LRBA: variants seen among roughly 807,000 people sequenced by gnomAD.
LRBA encodes the protein lipopolysaccharide-responsive and beige-like anchor protein.
A neutral mutation model predicts 330.0 loss-of-function variants in LRBA; 176 were observed. The ratio of observed to expected loss-of-function variants is 0.53; its 90% CI spans 0.47 to 0.60. The LOEUF (loss-of-function observed/expected upper bound fraction) is 0.60. Among genes scored for constraint, LRBA ranks in the 20% least tolerant of loss-of-function variants. The pLI is 0.00. For synonymous variants in LRBA, 1,230 were observed against 1,193.0 expected (o/e 1.03, Z -0.64); for missense variants, 3,259 against 3,444.8 (o/e 0.95, Z 1.35).
At chr4:150,485,122 C>T (rs933444798) in intron 42 of LRBA, among the ~76,000 whole-genome samples, 1 of 151,896 alleles carries the variant, frequency 6.6e-6, no homozygotes, top group East Asian at 1.9e-4. Context: ...ATGTTTTATA[C>T]ATGTGACACA....
chr4:151,009,627 G>A (rs72721737), intron 2 of LRBA, among the ~76,000 whole-genome samples: 4,479 of 151,584 alleles, frequency 0.03, 195 homozygotes, highest in African/African-American at 0.098. Flanking sequence ...AGGCAGGAGA[G>A]CAGCTTAAGC....
At chr4:150,652,153 C>T (rs1779768624) in intron 37 of LRBA, among the ~76,000 whole-genome samples, 2 of 152,130 alleles carry the variant, frequency 1.3e-5, no homozygotes, top group Admixed American at 1.3e-4. Flanking sequence ...CATTTTCACA[C>T]CTATACAAGT....
chr4:150,277,444 T>A (rs1159876189), intron 56 of LRBA, among the ~76,000 whole-genome samples: 4 of 152,122 alleles, frequency 2.6e-5, no homozygotes, highest in Non-Finnish European at 5.9e-5. Flanking sequence ...CAAAGAAATA[T>A]AAAAAGCTTT....
intron 47 of LRBA, among the ~76,000 whole-genome samples, chr4:150,412,026 CTTTGTT>C (rs1747084653): frequency 1.3e-5 from 2 of 152,110 alleles, no homozygotes; most frequent in South Asian, 4.2e-4. Flanking sequence ...TGTAAGGAAA[CTTTGTT>C]CATCAGAGGT....
chr4:150,486,169 T>C (rs1308186379), intron 42 of LRBA, among the ~76,000 whole-genome samples: 1 of 151,898 alleles, frequency 6.6e-6, no homozygotes, highest in African/African-American at 2.4e-5. Context: ...ACAATGTATA[T>C]ATGTATCAAA....
intron 47 of LRBA, among the ~76,000 whole-genome samples, chr4:150,409,191 G>A (rs777964202): frequency 2.0e-5 from 3 of 151,974 alleles, no homozygotes; most frequent in African/African-American, 7.2e-5. Context: ...GAGACACAAG[G>A]AGAAGACAGC....
At chr4:150,937,141 A>T (rs1331525156) in intron 2 of LRBA, among the ~76,000 whole-genome samples, 1 of 152,116 alleles carries the variant, frequency 6.6e-6, no homozygotes, top group Non-Finnish European at 1.5e-5. Context: ...TTTAAATACT[A>T]TAAAATATGC....
chr4:150,341,836 A>G (rs1329086179), intron 48 of LRBA, among the ~76,000 whole-genome samples: 1 of 151,774 alleles, frequency 6.6e-6, no homozygotes, highest in Non-Finnish European at 1.5e-5. Flanking sequence ...TAATGTCTAG[A>G]TAGCTTTCAA....
At chr4:150,933,777 C>A (rs1460078309) in intron 2 of LRBA, among the ~76,000 whole-genome samples, 1 of 151,858 alleles carries the variant, frequency 6.6e-6, no homozygotes, top group Non-Finnish European at 1.5e-5. Context: ...TTTGGGAAAC[C>A]GAGAGAGCAG....
At chr4:150,579,264 C>G (rs1257914186) in intron 40 of LRBA, 1 of 456,338 alleles carries the variant, frequency 2.2e-6, no homozygotes, top group Admixed American at 2.4e-5. Context: ...ACAGCCTCCT[C>G]GGATACCGTT....
intron 22 of LRBA, among the ~76,000 whole-genome samples, chr4:150,866,925 A>G (rs990846992): frequency 6.6e-6 from 1 of 152,132 alleles, no homozygotes; most frequent in Non-Finnish European, 1.5e-5. Flanking sequence ...TAGTAAAGGT[A>G]TAGAAAAGAC....
intron 53 of LRBA, among the ~76,000 whole-genome samples, chr4:150,296,226 G>A (rs1408523649): frequency 1.3e-5 from 2 of 151,964 alleles, no homozygotes; most frequent in Admixed American, 6.6e-5. Context: ...AACTATAGAG[G>A]AGTTTCATAT....
chr4:150,339,036 C>CA (rs1735132165), intron 48 of LRBA, among the ~76,000 whole-genome samples: 1 of 151,682 alleles, frequency 6.6e-6, no homozygotes. Flanking sequence ...AATCTTAAGC[C>CA]AAAAGCCTTC....
Position 150,893,053 on chromosome 4 carries a change from G to A in LRBA, c.2164C>T (p.Arg722Cys), listed in dbSNP as rs529536481. The change falls in exon 17 of 57, where the codon CGT becomes TGT. Residue 722 changes from arginine (R) to cysteine (C), a missense_variant and splice_region_variant. Physicochemically the swap from Arg to Cys is radical, Grantham distance 180. Coordinates refer to ENST00000651943, the MANE Select transcript of LRBA (RefSeq NM_001364905.1). ...IPAFDQRNGL[R>C]VIYKLLASKS... ...ATGAAATAGATTAAAAACTCTTACC[G>A]TAACCCATTCCTTTGGTCAAAAGCA... The A allele has an allele frequency of 2.3e-5, 36 of 1,593,160 alleles. No homozygotes were observed. Among genetic ancestry groups the A allele is most frequent in the Admixed American group, 1.2e-4 (7 of 58,336 alleles).
Position 151,009,312 on chromosome 4 carries a change from G to A in LRBA, c.216+5115C>T, listed in dbSNP as rs185839716. Among the ~76,000 whole-genome samples, 4 of 151,968 alleles carry A rather than the reference G, an allele frequency of 2.6e-5. No individual in the cohort carries two copies. In the South Asian group the frequency reaches 6.2e-4, roughly 24 times the overall value. On this transcript the variant is annotated intron_variant, in intron 2 of 56. Coordinates refer to ENST00000651943, the MANE Select transcript of LRBA (RefSeq NM_001364905.1). ...CTTGTAATCCCAGCATTTTCAGGAA[G>A]CCAAGGCAGGCAGATCACTTGAGGC... is the stretch of plus-strand genomic sequence containing the variant.
At chr4:150,700,472 T>A (rs111644024) in intron 36 of LRBA, among the ~76,000 whole-genome samples, 1 of 152,148 alleles carries the variant, frequency 6.6e-6, no homozygotes, top group African/African-American at 2.4e-5. Flanking sequence ...GCACTTGAAG[T>A]TGCGTTGGGT....
chr4:150,597,791 A>G (rs1231662733), intron 38 of LRBA, among the ~76,000 whole-genome samples: 2 of 152,102 alleles, frequency 1.3e-5, no homozygotes, highest in Non-Finnish European at 2.9e-5. Flanking sequence ...TCTAAAAGCA[A>G]AAGTGGCCTA....
chr4:150,386,832 A>G (rs1190226790), intron 47 of LRBA, among the ~76,000 whole-genome samples: 2 of 152,194 alleles, frequency 1.3e-5, no homozygotes, highest in Non-Finnish European at 2.9e-5. Flanking sequence ...GTCTTTGAGG[A>G]ATAACCATAC....
chr4:150,292,496 C>T (rs1028142408), intron 53 of LRBA, among the ~76,000 whole-genome samples: 2 of 152,098 alleles, frequency 1.3e-5, no homozygotes, highest in Admixed American at 6.5e-5. Context: ...GGAAATGAAG[C>T]GGGATTAAAC....
Sources: allele counts gnomAD v4.1 joint callset (sites outside exome capture counted in the v4.1 genomes callset), GRCh38; gene constraint gnomAD v4.1.1; transcripts MANE v1.5; gene names NCBI Gene and HGNC (gene_info 2026-07-23, HGNC 2026-07-21).